IFIH1: variants seen among roughly 807,000 people sequenced by gnomAD.
The protein encoded by IFIH1 is interferon-induced helicase C domain-containing protein 1.
Under a neutral mutation model 107.4 loss-of-function variants are expected in IFIH1, and 125 were observed. The observed-to-expected ratio is 1.16, with a 90% CI of 1.01 to 1.35. IFIH1 has a LOEUF of 1.35. IFIH1 is among the 40% of genes most tolerant of loss of function. The pLI is 0.00. For missense variants in IFIH1, 1,333 were observed against 1,213.7 expected, an observed-to-expected ratio of 1.10 and a Z score of -1.46; for synonymous variants, 458 against 413.2, an observed-to-expected ratio of 1.11 and a Z score of -1.31.
At chr2:162,310,677 G>T in intron 2 of IFIH1, 88 bp downstream of exon 2, 2 of 1,036,032 alleles carry the variant, frequency 1.9e-6, no homozygotes, top group Non-Finnish European at 2.9e-6. Context: ...TAAAAATCTT[G>T]GTGTTTAGCA....
chr2:162,273,686 T>C (rs1691090032), intron 12 of IFIH1, 109 bp downstream of exon 12: 2 of 847,408 alleles, frequency 2.4e-6, no homozygotes, highest in African/African-American at 1.8e-5. Context: ...AAAAAGGCTT[T>C]GTTTTAAAAA....
chr2:162,290,124 T>C (rs1454762574), intron 4 of IFIH1, among the ~76,000 whole-genome samples: 1 of 151,932 alleles, frequency 6.6e-6, no homozygotes, highest in African/African-American at 2.4e-5. Flanking sequence ...TTTTGTTTGA[T>C]CTAGGAAGTT....
chr2:162,317,824 A>C, intron 1 of IFIH1, 31 bp downstream of exon 1: 1 of 1,513,782 alleles, frequency 6.6e-7, no homozygotes, highest in Non-Finnish European at 8.8e-7. Context: ...AATCTGCCTA[A>C]AAGGCTAGCT....
At chr2:162,316,840 T>C (rs994784442) in intron 1 of IFIH1, among the ~76,000 whole-genome samples, 1 of 152,186 alleles carries the variant, frequency 6.6e-6, no homozygotes, top group Non-Finnish European at 1.5e-5. Context: ...CAAAAAATAA[T>C]TCATATCACA....
intron 5 of IFIH1, among the ~76,000 whole-genome samples, chr2:162,285,468 A>G (rs1055031150): frequency 6.6e-6 from 1 of 152,032 alleles, no homozygotes; most frequent in African/African-American, 2.4e-5. Flanking sequence ...GACTCAATCA[A>G]AAAGAATTAA....
At chr2:162,294,994 T>C (rs1683060514) in intron 3 of IFIH1, among the ~76,000 whole-genome samples, 1 of 152,036 alleles carries the variant, frequency 6.6e-6, no homozygotes. Context: ...TCAAGTCAGC[T>C]ATATTAAGAT....
At chr2:162,285,644 G>A (rs1217856092) in intron 5 of IFIH1, among the ~76,000 whole-genome samples, 1 of 151,968 alleles carries the variant, frequency 6.6e-6, no homozygotes, top group Non-Finnish European at 1.5e-5. Context: ...TGCAGTGAAT[G>A]TGAATAATTA....
intron 1 of IFIH1, among the ~76,000 whole-genome samples, chr2:162,315,094 GA>G (rs1683464992): frequency 6.6e-6 from 1 of 152,160 alleles, no homozygotes; most frequent in African/African-American, 2.4e-5. Context: ...TGTCTATGGG[GA>G]AACAGAAAAA....
At chr2:162,275,320 C>G (rs1039702285) in intron 11 of IFIH1, among the ~76,000 whole-genome samples, 2 of 152,094 alleles carry the variant, frequency 1.3e-5, no homozygotes, top group Non-Finnish European at 2.9e-5. Context: ...AAGCTTAGCC[C>G]TCTTACAATA....
intron 7 of IFIH1, among the ~76,000 whole-genome samples, chr2:162,281,022 T>C (rs1411445056): frequency 6.6e-6 from 1 of 152,090 alleles, no homozygotes; most frequent in African/African-American, 2.4e-5. Flanking sequence ...CATATTTCTA[T>C]ATCAGGTAGA....
At chr2:162,284,633 AC>A (rs1275044116) in intron 5 of IFIH1, among the ~76,000 whole-genome samples, 1 of 151,884 alleles carries the variant, frequency 6.6e-6, no homozygotes, top group African/African-American at 2.4e-5. Flanking sequence ...AAGTCTTGAA[AC>A]TTCAGTTTTC....
chr2:162,308,834 C>A (rs1055132762), intron 2 of IFIH1, among the ~76,000 whole-genome samples: 2 of 152,178 alleles, frequency 1.3e-5, no homozygotes, highest in African/African-American at 4.8e-5. Context: ...AAAATACATT[C>A]ATCTCATCTC....
chr2:162,309,206 G>A (rs1268640756), intron 2 of IFIH1, among the ~76,000 whole-genome samples: 6 of 152,304 alleles, frequency 3.9e-5, no homozygotes, highest in Middle Eastern at 6.8e-3. Context: ...CCAGGTCCAC[G>A]GAATGGCAGG....
At chr2:162,301,420 A>G (rs1043977925) in intron 3 of IFIH1, among the ~76,000 whole-genome samples, 1 of 152,146 alleles carries the variant, frequency 6.6e-6, no homozygotes, top group Non-Finnish European at 1.5e-5. Context: ...AGTTTTCACA[A>G]TAGGGCAGCT....
chr2:162,281,585 C>T, intron 6 of IFIH1, 40 bp from the exon 7 acceptor site: 1 of 1,417,398 alleles, frequency 7.1e-7, no homozygotes, highest in Non-Finnish European at 9.8e-7. Context: ...TCCATATCAG[C>T]ACACTACAGT....
At chr2:162,317,766 C>A (rs1683529348) in intron 1 of IFIH1, 89 bp downstream of exon 1, 8 of 1,050,702 alleles carry the variant, frequency 7.6e-6, no homozygotes, top group Middle Eastern at 4.2e-4. Context: ...CCAAAGAGGT[C>A]AAGCACATTT....
At chr2:162,306,579 A>C in intron 3 of IFIH1, 130 bp downstream of exon 3, 1 of 579,966 alleles carries the variant, frequency 1.7e-6, no homozygotes, top group Non-Finnish European at 2.8e-6. Context: ...TCCTCTAAAA[A>C]TATTATTTTA....
At chr2:162,278,592 A>G (rs1682749458) in intron 8 of IFIH1, among the ~76,000 whole-genome samples, 1 of 152,150 alleles carries the variant, frequency 6.6e-6, no homozygotes, top group Non-Finnish European at 1.5e-5. Flanking sequence ...AAAGTTAATG[A>G]ATTATATAAA....
chr2:162,285,024 G>A (rs1002049619), intron 5 of IFIH1, among the ~76,000 whole-genome samples: 1 of 151,992 alleles, frequency 6.6e-6, no homozygotes, highest in African/African-American at 2.4e-5. Flanking sequence ...GCTCTGGGTG[G>A]TGTTGACTTC....
Sources: allele counts gnomAD v4.1 joint callset (sites outside exome capture counted in the v4.1 genomes callset), GRCh38; gene constraint gnomAD v4.1.1; transcripts MANE v1.5; gene names NCBI Gene and HGNC (gene_info 2026-07-23, HGNC 2026-07-21).